SH3BP4: variants seen among roughly 807,000 people sequenced by gnomAD.
SH3BP4 encodes SH3 domain binding protein 4, also known as SH3 domain-binding protein 4.
In SH3BP4, 33 loss-of-function variants were observed where a neutral mutation model predicts 65.5. The observed-to-expected ratio is 0.50, with a 90% CI of 0.38 to 0.67. SH3BP4 has a LOEUF of 0.67. SH3BP4 is among the 30% of genes least tolerant of loss of function. The probability of loss-of-function intolerance (pLI) is 0.00; values close to 1 mark genes in which losing one functional copy is unlikely to be tolerated. For synonymous variants in SH3BP4, 552 were observed against 545.5 expected, an observed-to-expected ratio of 1.01 and a Z score of -0.17; for missense variants, 1,134 against 1,261.4, an observed-to-expected ratio of 0.90 and a Z score of 1.53.
rs1475574877 is a variant in SH3BP4, at chr2:235,038,401, A to T, written c.119-2487A>T. The stretch of plus-strand genomic sequence containing the variant: ...CATATATATATATATATATATATAT[A>T]TATATATATATATATGAGGTATGTA... On this transcript the variant is annotated intron_variant, in intron 3 of 5. Coordinates refer to ENST00000392011, the MANE Select transcript of SH3BP4 (RefSeq NM_014521.3). 5.9e-5 allele frequency among the ~76,000 whole-genome samples: 5 copies of T among 84,114 alleles called. No homozygotes were observed. In the South Asian group the frequency reaches 2.2e-3, roughly 37 times the overall value. 55.2% of individuals were successfully genotyped at this position (84,114 alleles called of 152,430 possible).
At position 235,054,510 on chromosome 2, in the gene SH3BP4, G is replaced by C. The variant is rs919569154; in HGVS notation, c.*694G>C. 1.3e-5 allele frequency: 2 copies of C among 152,308 alleles called. No individual in the cohort carries two copies. The highest frequency in any genetic ancestry group is 4.8e-5 in the African/African-American group (2 of 41,466). The allele number at this position is 152,308 out of a possible 1,614,324, so 9.4% of individuals were successfully genotyped here. A position where few individuals can be genotyped will look rare whatever the true frequency, so the allele number is the denominator to read the frequency against. Reference sequence around the variant, plus strand: ...AATCTTTGGTGAGCTTCAGTGGGCAGAGTGAAGTCCCGCATTAGCATTTAG... The same window carrying C: ...AATCTTTGGTGAGCTTCAGTGGGCACAGTGAAGTCCCGCATTAGCATTTAG... On this transcript the variant is annotated 3_prime_UTR_variant, in exon 6 of 6. Coordinates refer to ENST00000392011, the MANE Select transcript of SH3BP4 (RefSeq NM_014521.3).
Position 235,041,450 on chromosome 2 carries a change from C to T in SH3BP4, c.681C>T (p.His227=), listed in dbSNP as rs1173915647. ...AGCTTCCAGTCACAAACGGACTCCACGCAGAGCCGCCGGTCAGGCGGGACA... is the reference window on the plus strand; with the variant it reads ...AGCTTCCAGTCACAAACGGACTCCATGCAGAGCCGCCGGTCAGGCGGGACA... The part of the protein sequence containing the change: ...FDELPVTNGL[H]AEPPVRRDNP... Residue 227 remains histidine (H), a synonymous_variant, in exon 4 of 6, where the codon CAC becomes CAT. Coordinates refer to ENST00000392011, the MANE Select transcript of SH3BP4 (RefSeq NM_014521.3). This position sits in a 1 kb window ranked among gnomAD's most constrained non-coding sequence, Gnocchi z 6.0. 14 of 1,614,074 alleles carry T rather than the reference C, an allele frequency of 8.7e-6. No individual in the cohort carries two copies. The highest frequency in any genetic ancestry group is 2.7e-5 in the African/African-American group (2 of 74,950).
chr2:235,007,919 T>C (rs1694350491), intron 2 of SH3BP4, among the ~76,000 whole-genome samples: 2 of 151,892 alleles, frequency 1.3e-5, no homozygotes, highest in Non-Finnish European at 2.9e-5. Context: ...ACCGGAGAGG[T>C]TGGACGTCAA....
At chr2:235,048,416 G>A (rs1013624933) in intron 4 of SH3BP4, among the ~76,000 whole-genome samples, 4 of 151,944 alleles carry the variant, frequency 2.6e-5, no homozygotes, top group African/African-American at 9.7e-5. Flanking sequence ...CTGCAGCCTC[G>A]AACTCCTGGG....
At chr2:235,043,901 C>T (rs925472781) in intron 4 of SH3BP4, among the ~76,000 whole-genome samples, 26 of 152,388 alleles carry the variant, frequency 1.7e-4, no homozygotes, top group African/African-American at 6.0e-4. Flanking sequence ...ACCCAAGGAC[C>T]CTGCAAAGAA....
intron 1 of SH3BP4, among the ~76,000 whole-genome samples, chr2:234,961,874 T>TGGGGGG (rs1692722438): frequency 9.1e-6 from 1 of 110,078 alleles, no homozygotes; most frequent in Non-Finnish European, 1.8e-5. Context: ...GGAGGTGGGG[T>TGGGGGG]GGTGGGGGTG....
rs548422846 is a variant in SH3BP4, at chr2:235,053,502, C to T, written c.2668-90C>T. On this transcript the variant is annotated intron_variant, in intron 5 of 5. Transcript: ENST00000392011. ...GTGTCCCAAATAGTGACTACTGAAG[C>T]TGCACCAAGTAATAGGAACAAATCT... is the stretch of plus-strand genomic sequence containing the variant. The T allele has an allele frequency of 2.3e-4, 212 of 933,324 alleles. 2 individuals carry two copies. In the South Asian group the frequency reaches 3.0e-3, roughly 13 times the overall value. 57.8% of individuals were successfully genotyped at this position (933,324 alleles called of 1,614,324 possible).
intron 1 of SH3BP4, among the ~76,000 whole-genome samples, chr2:234,971,247 T>C (rs1178466408): frequency 6.6e-6 from 1 of 152,252 alleles, no homozygotes; most frequent in African/African-American, 2.4e-5. Context: ...GGTGGAATCA[T>C]ACAATATTTG....
chr2:235,001,839 G>T (rs1694109581), intron 2 of SH3BP4, among the ~76,000 whole-genome samples: 1 of 152,122 alleles, frequency 6.6e-6, no homozygotes, highest in Non-Finnish European at 1.5e-5. Context: ...GGCTCTCAAA[G>T]GAGGGTGAGG....
intron 2 of SH3BP4, among the ~76,000 whole-genome samples, chr2:235,002,311 T>G (rs1440823907): frequency 4.6e-5 from 7 of 152,200 alleles, no homozygotes; most frequent in African/African-American, 1.7e-4. Context: ...GGTTTATAGT[T>G]TGCCAAGCTG....
At position 235,054,285 on chromosome 2, in the gene SH3BP4, G is replaced by A. The variant is rs567913641; in HGVS notation, c.*469G>A. The stretch of plus-strand genomic sequence containing the variant: ...CACTTTGCATTTCAACACTCAGCCC[G>A]GAAAGATGCTCGTTCGGTTGTTGGA... On this transcript the variant is annotated 3_prime_UTR_variant, in exon 6 of 6. Transcript: ENST00000392011. 2 of 156,312 alleles carry A rather than the reference G, an allele frequency of 1.3e-5. No homozygotes were observed. The highest frequency in any genetic ancestry group is 1.9e-4 in the South Asian group (1 of 5,188). The allele number at this position is 156,312 out of a possible 1,614,324, so 9.7% of individuals were successfully genotyped here.
At chr2:235,022,540 TTG>T (rs1415223657) in intron 2 of SH3BP4, among the ~76,000 whole-genome samples, 1 of 151,630 alleles carries the variant, frequency 6.6e-6, no homozygotes, top group African/African-American at 2.4e-5. Flanking sequence ...AAAGTAGTAG[TTG>T]ATACTTGAAC....
chr2:234,984,287 C>T (rs1693478202), intron 1 of SH3BP4, among the ~76,000 whole-genome samples: 2 of 152,118 alleles, frequency 1.3e-5, no homozygotes, highest in Admixed American at 6.5e-5. Context: ...ACTGCAACCT[C>T]GACCTCTGGG....
chr2:234,977,624 G>A lies in SH3BP4; in HGVS notation c.-206-17679G>A, dbSNP rs1393232028. Among the ~76,000 whole-genome samples, 1 of 152,178 alleles carries A rather than the reference G, an allele frequency of 6.6e-6. No homozygotes were observed. Among genetic ancestry groups the A allele is most frequent in the Non-Finnish European group, 1.5e-5 (1 of 68,036 alleles). Reference sequence around the variant, plus strand: ...CACTAATCCCATTAGCGACTTAGGGGTGAGTGGATGGAAAACAGGATGAGA... The same window carrying A: ...CACTAATCCCATTAGCGACTTAGGGATGAGTGGATGGAAAACAGGATGAGA... On this transcript the variant is annotated intron_variant, in intron 1 of 5. Coordinates refer to ENST00000392011, the MANE Select transcript of SH3BP4 (RefSeq NM_014521.3). The surrounding 1 kb of genome is among the most constrained non-coding windows in gnomAD (Gnocchi z 5.1).
At chr2:235,036,740 A>AATAATAATAATAATAATAATAATAATAAT (rs1553567013) in intron 3 of SH3BP4, among the ~76,000 whole-genome samples, 2 of 141,740 alleles carry the variant, frequency 1.4e-5, no homozygotes, top group African/African-American at 5.4e-5. Context: ...TCTATATAAA[A>AATAATAATAATAATAATAATAATAATAAT]AATAATAATA....
In SH3BP4 at chr2:235,041,470, G is replaced by A. The variant is rs1050022162; in HGVS notation, c.701G>A (p.Arg234Gln). The A allele has an allele frequency of 9.3e-6, 15 of 1,614,064 alleles. No individual in the cohort carries two copies. The highest frequency in any genetic ancestry group is 4.0e-5 in the African/African-American group (3 of 74,944). The change falls in exon 4 of 6, where the codon CGG (arginine) becomes CAG (glutamine). Residue 234 changes from arginine (R) to glutamine (Q), a missense_variant. Coordinates refer to ENST00000392011, the MANE Select transcript of SH3BP4 (RefSeq NM_014521.3). The surrounding 1 kb of genome is among the most constrained non-coding windows in gnomAD (Gnocchi z 6.0). ...CTCCACGCAGAGCCGCCGGTCAGGC[G>A]GGACAACCCCTTCTTCAGAAGCAAG... Reference protein sequence around the residue: ...NGLHAEPPVRRDNPFFRSKRS... With the variant: ...NGLHAEPPVRQDNPFFRSKRS...
At chr2:235,049,224 C>T (rs1321376839) in intron 4 of SH3BP4, among the ~76,000 whole-genome samples, 1 of 152,204 alleles carries the variant, frequency 6.6e-6, no homozygotes, top group Non-Finnish European at 1.5e-5. Flanking sequence ...CGCTCTCCTT[C>T]CCAGGGGCCA....
rs182097232 is a variant in SH3BP4, at chr2:235,010,983, C to G, written c.-133+15607C>G. Reference sequence around the variant, plus strand: ...CCCTTCTTCCCTCTTCTAGGAGAACCCTTCCTGTCTCTCCTAGAACCCTTC... The same window carrying G: ...CCCTTCTTCCCTCTTCTAGGAGAACGCTTCCTGTCTCTCCTAGAACCCTTC... On this transcript the variant is annotated intron_variant, in intron 2 of 5. Coordinates refer to ENST00000392011, the MANE Select transcript of SH3BP4 (RefSeq NM_014521.3). Among the ~76,000 whole-genome samples the G allele has an allele frequency of 2.7e-5, 4 of 147,914 alleles. 1 individual carries two copies. In the East Asian group the frequency reaches 8.3e-4, roughly 31 times the overall value.
intron 1 of SH3BP4, among the ~76,000 whole-genome samples, chr2:234,992,445 G>T (rs1422360131): frequency 6.6e-6 from 1 of 152,224 alleles, no homozygotes; most frequent in Non-Finnish European, 1.5e-5. Flanking sequence ...GGCATTGTGG[G>T]CCCCTGGAGA....
Sources: allele counts gnomAD v4.1 joint callset (sites outside exome capture counted in the v4.1 genomes callset), GRCh38; gene constraint gnomAD v4.1.1; non-coding constraint Gnocchi (gnomAD v3.1); transcripts MANE v1.5; gene names NCBI Gene and HGNC (gene_info 2026-07-23, HGNC 2026-07-21).